Variants in SNX7 observed in about 807,000 individuals in gnomAD.
SNX7 encodes the protein sorting nexin 7.
SNX7 carries 35 observed loss-of-function variants against 48.4 expected under a neutral mutation model. The observed-to-expected ratio is 0.72, with a 90% CI of 0.55 to 0.96. The LOEUF is 0.96. Among genes scored for constraint, SNX7 ranks in the 40% least tolerant of loss-of-function variants. The pLI, the probability that SNX7 is intolerant of heterozygous loss-of-function variation, is 0.00. For missense variants in SNX7, 553 were observed against 548.9 expected (o/e 1.01, Z -0.07); for synonymous variants, 190 against 190.2 (o/e 1.00, Z 0.01).
chr1:98,692,028 A>T (rs1275325127), intron 4 of SNX7, among the ~76,000 whole-genome samples: 2 of 151,638 alleles, frequency 1.3e-5, no homozygotes, highest in African/African-American at 4.8e-5. Flanking sequence ...GTATAAATAT[A>T]TTTCTTTCAT....
intron 8 of SNX7, among the ~76,000 whole-genome samples, chr1:98,752,251 C>T (rs1271551274): frequency 6.6e-6 from 1 of 151,684 alleles, no homozygotes; most frequent in African/African-American, 2.4e-5. Context: ...TGAGTTTTTC[C>T]TTAGGTTTCG....
intron 1 of SNX7, among the ~76,000 whole-genome samples, chr1:98,680,454 A>C (rs933033839): frequency 3.9e-5 from 6 of 152,172 alleles, no homozygotes; most frequent in African/African-American, 1.4e-4. Flanking sequence ...TTACTTATGC[A>C]AATTTCTGCA....
chr1:98,715,309 G>C (rs779036667), intron 7 of SNX7, among the ~76,000 whole-genome samples: 24 of 151,986 alleles, frequency 1.6e-4, no homozygotes, highest in Non-Finnish European at 3.2e-4. Flanking sequence ...ATCAGTCTTT[G>C]ACGGGAATGT....
chr1:98,725,194 T>A (rs1653100492), intron 7 of SNX7, among the ~76,000 whole-genome samples: 1 of 152,208 alleles, frequency 6.6e-6, no homozygotes, highest in African/African-American at 2.4e-5. Context: ...ATTTGTTAAT[T>A]TAAAAATGGT....
intron 7 of SNX7, among the ~76,000 whole-genome samples, chr1:98,706,825 G>A (rs773226948): frequency 2.0e-5 from 3 of 152,102 alleles, no homozygotes; most frequent in Non-Finnish European, 4.4e-5. Context: ...GTTTTAGACA[G>A]AGCAACTGGA....
intron 8 of SNX7, among the ~76,000 whole-genome samples, chr1:98,752,182 G>A (rs1654618351): frequency 6.6e-6 from 1 of 151,900 alleles, no homozygotes; most frequent in Non-Finnish European, 1.5e-5. Flanking sequence ...TGATCCTGAG[G>A]ACAGTAAATA....
chr1:98,706,656 G>A (rs939235185), intron 7 of SNX7, among the ~76,000 whole-genome samples: 8 of 152,178 alleles, frequency 5.3e-5, no homozygotes, highest in East Asian at 3.8e-4. Context: ...GAGCCGGAGA[G>A]TAGCTCTTAA....
At position 98,675,536 on chromosome 1, in the gene SNX7, C is replaced by T. The variant is rs78330118; in HGVS notation, c.181-9349C>T. ...ATTTTTCCCACTCCACAAAAGGATG[C>T]ATTTCAAGCGGAAGAAATAGAATGC... On this transcript the variant is annotated intron_variant, in intron 1 of 8. Transcript: ENST00000306121. 6.2e-4 allele frequency among the ~76,000 whole-genome samples: 95 copies of T among 152,216 alleles called. 1 individual carries two copies. Among genetic ancestry groups the T allele is most frequent in the Middle Eastern group, 6.8e-3 (2 of 294 alleles).
intron 1 of SNX7, chr1:98,662,491 A>G (rs2100892388): frequency 2.9e-6 from 1 of 344,640 alleles, no homozygotes. Context: ...GATTTTTCAG[A>G]TGGTCAGCTA....
intron 1 of SNX7, among the ~76,000 whole-genome samples, chr1:98,666,416 C>G (rs1033789753): frequency 5.3e-5 from 8 of 152,126 alleles, no homozygotes; most frequent in African/African-American, 1.7e-4. Context: ...GGAAACGTGC[C>G]AAAGCAGGAG....
intron 1 of SNX7, among the ~76,000 whole-genome samples, chr1:98,673,856 C>T (rs577607736): frequency 6.6e-6 from 1 of 152,276 alleles, no homozygotes; most frequent in African/African-American, 2.4e-5. Context: ...GTATGTGTTG[C>T]TAAGGCACAT....
chr1:98,674,904 G>T (rs1650075086), intron 1 of SNX7, among the ~76,000 whole-genome samples: 1 of 152,168 alleles, frequency 6.6e-6, no homozygotes, highest in Admixed American at 6.5e-5. Flanking sequence ...GGACTTTCTT[G>T]TGTGTGTGCA....
At chr1:98,725,073 G>A (rs1314466421) in intron 7 of SNX7, among the ~76,000 whole-genome samples, 1 of 152,148 alleles carries the variant, frequency 6.6e-6, no homozygotes, top group Non-Finnish European at 1.5e-5. Context: ...TGGAATATAT[G>A]CTCCAGTAAG....
intron 7 of SNX7, among the ~76,000 whole-genome samples, chr1:98,730,323 G>A (rs1408098298): frequency 6.6e-6 from 1 of 152,108 alleles, no homozygotes; most frequent in Non-Finnish European, 1.5e-5. Context: ...GCAAAATCTG[G>A]AAGCAGTACC....
chr1:98,757,301 G>A (rs1557843001), intron 8 of SNX7, among the ~76,000 whole-genome samples: 2 of 152,166 alleles, frequency 1.3e-5, no homozygotes, highest in East Asian at 1.9e-4. Context: ...TTAAACAACA[G>A]AAATTTGTTT....
chr1:98,718,761 C>A (rs1557818723), intron 7 of SNX7, among the ~76,000 whole-genome samples: 1 of 152,062 alleles, frequency 6.6e-6, no homozygotes, highest in African/African-American at 2.4e-5. Flanking sequence ...TATGCATATG[C>A]AATAAATACC....
chr1:98,722,626 G>T (rs557982502), intron 7 of SNX7, among the ~76,000 whole-genome samples: 1 of 151,980 alleles, frequency 6.6e-6, no homozygotes, highest in African/African-American at 2.4e-5. Context: ...TGAATAAATG[G>T]ATTGAATGGT....
At chr1:98,709,816 C>T (rs1652206196) in intron 7 of SNX7, among the ~76,000 whole-genome samples, 1 of 152,136 alleles carries the variant, frequency 6.6e-6, no homozygotes, top group East Asian at 1.9e-4. Context: ...GTGTCAAACT[C>T]ACCCTTGGCT....
chr1:98,735,638 T>G (rs989893692), intron 7 of SNX7, among the ~76,000 whole-genome samples: 2 of 152,126 alleles, frequency 1.3e-5, no homozygotes, highest in Admixed American at 1.3e-4. Context: ...ATGATGATGG[T>G]GATGATGGTG....
Sources: gnomAD v4.1 joint callset for allele counts (sites outside exome capture counted in the v4.1 genomes callset) on GRCh38, gnomAD v4.1.1 for gene constraint, MANE v1.5 for transcripts, NCBI Gene and HGNC (gene_info 2026-07-23, HGNC 2026-07-21) for gene names.